FAT4: variants seen among roughly 807,000 people sequenced by gnomAD.
FAT4 encodes the protein protocadherin Fat 4.
A neutral mutation model predicts 303.9 loss-of-function variants in FAT4; 84 were observed. The ratio of observed to expected loss-of-function variants is 0.28; its 90% CI spans 0.23 to 0.33. The LOEUF (loss-of-function observed/expected upper bound fraction) is 0.33, where lower values mean the gene tolerates loss of function less well. Ranked by LOEUF, FAT4 falls within the 10% of genes least tolerant of loss-of-function variation. The pLI is 1.00. For synonymous variants in FAT4, 2,307 were observed against 2,298.8 expected (o/e 1.00, Z -0.10); for missense variants, 6,005 against 6,146.8 (o/e 0.98, Z 0.77).
At chr4:125,408,141 A>G (rs1464177684) in intron 4 of FAT4, among the ~76,000 whole-genome samples, 4 of 152,162 alleles carry the variant, frequency 2.6e-5, no homozygotes, top group Non-Finnish European at 5.9e-5. Context: ...GATTGAATTC[A>G]TCAGTATATT....
intron 2 of FAT4, among the ~76,000 whole-genome samples, chr4:125,383,229 A>C (rs537834506): frequency 2.0e-5 from 3 of 152,274 alleles, no homozygotes; most frequent in African/African-American, 7.2e-5. Flanking sequence ...ACTAAGCTTA[A>C]TTATTTATAG....
At chr4:125,338,031 A>G (rs938010491) in intron 2 of FAT4, among the ~76,000 whole-genome samples, 1 of 152,156 alleles carries the variant, frequency 6.6e-6, no homozygotes, top group Non-Finnish European at 1.5e-5. Flanking sequence ...TCATTTGCAT[A>G]GATGCTGGTT....
In FAT4 at chr4:125,449,387, G is replaced by A. The variant is rs752096532; in HGVS notation, c.8377G>A (p.Val2793Ile). 1.9e-6 allele frequency: 3 copies of A among 1,613,718 alleles called. No homozygotes were observed. The highest frequency in any genetic ancestry group is 1.1e-5 in the South Asian group (1 of 91,058). The change falls in exon 10 of 18, where the codon GTT becomes ATT. Residue 2793 changes from valine to isoleucine, a missense_variant. Transcript: ENST00000394329. Reference sequence around the variant, plus strand: ...TGAAAATTCCCCCTTAGGATACACAGTTACCCGTGTCACAACTTCTGATGA... The same window carrying A: ...TGAAAATTCCCCCTTAGGATACACAATTACCCGTGTCACAACTTCTGATGA... ...VPENSPLGYT[V>I]TRVTTSDEDI... is the part of the protein sequence containing the mutation.
At chr4:125,391,639 T>C (rs1271176208) in intron 2 of FAT4, among the ~76,000 whole-genome samples, 1 of 152,132 alleles carries the variant, frequency 6.6e-6, no homozygotes, top group Non-Finnish European at 1.5e-5. Flanking sequence ...CCTGTTTTTC[T>C]TTTTTAGAAG....
chr4:125,351,808 C>G (rs1732236261), intron 2 of FAT4, among the ~76,000 whole-genome samples: 1 of 151,668 alleles, frequency 6.6e-6, no homozygotes, highest in South Asian at 2.1e-4. Context: ...ATTAAGAACT[C>G]TTCCTACCAG....
At chr4:125,360,376 C>T (rs757848121) in intron 2 of FAT4, among the ~76,000 whole-genome samples, 1 of 152,124 alleles carries the variant, frequency 6.6e-6, no homozygotes, top group Non-Finnish European at 1.5e-5. Flanking sequence ...ATTTTCATCA[C>T]GTTTCCCACA....
intron 12 of FAT4, among the ~76,000 whole-genome samples, chr4:125,470,488 C>G (rs1460762687): frequency 6.6e-6 from 1 of 152,188 alleles, no homozygotes; most frequent in Non-Finnish European, 1.5e-5. Flanking sequence ...AGTGTAACCA[C>G]CTTCATCAAT....
At chr4:125,423,467 T>A (rs990847855) in intron 7 of FAT4, among the ~76,000 whole-genome samples, 1 of 152,184 alleles carries the variant, frequency 6.6e-6, no homozygotes. Context: ...TTCCACATGG[T>A]GTTGAGCCTG....
intron 2 of FAT4, among the ~76,000 whole-genome samples, chr4:125,393,224 A>G (rs13146027): frequency 0.19 from 28,162 of 152,140 alleles, 2,881 homozygotes; most frequent in East Asian, 0.38. Flanking sequence ...TCCGTTCATT[A>G]AGAAACATTT....
chr4:125,430,008 T>A (rs1466564791), intron 7 of FAT4, among the ~76,000 whole-genome samples: 1 of 152,118 alleles, frequency 6.6e-6, no homozygotes, highest in East Asian at 1.9e-4. Context: ...CCGGGTTCTG[T>A]CCTGGGGTGG....
At chr4:125,391,946 A>G (rs952949530) in intron 2 of FAT4, among the ~76,000 whole-genome samples, 5 of 152,142 alleles carry the variant, frequency 3.3e-5, no homozygotes, top group Non-Finnish European at 5.9e-5. Context: ...AAATATTTCT[A>G]GAGGAGAATT....
intron 2 of FAT4, among the ~76,000 whole-genome samples, chr4:125,355,831 A>AT (rs1416248665): frequency 6.6e-6 from 1 of 151,846 alleles, no homozygotes; most frequent in African/African-American, 2.4e-5. Context: ...TTGATTTGCA[A>AT]TTTTTTAACA....
intron 2 of FAT4, among the ~76,000 whole-genome samples, chr4:125,398,373 C>A (rs1373786193): frequency 6.6e-6 from 1 of 152,104 alleles, no homozygotes; most frequent in Non-Finnish European, 1.5e-5. Context: ...CATTAGTTGC[C>A]AATATGTAAA....
Position 125,397,695 on chromosome 4 carries a change from C to A in FAT4, c.5176-1089C>A, listed in dbSNP as rs79756566. Among the ~76,000 whole-genome samples the A allele has an allele frequency of 5.6e-3, 851 of 152,196 alleles. 4 individuals are homozygous for A. The highest frequency in any genetic ancestry group is 9.9e-3 in the Non-Finnish European group (675 of 67,992). On this transcript the variant is annotated intron_variant, in intron 2 of 17. Coordinates refer to ENST00000394329, the MANE Select transcript of FAT4 (RefSeq NM_001291303.3). ...GTCTAGCTCTTGTATATTTCCCATT[C>A]ATTCCTTTTCAGATAATGATGACAG...
intron 8 of FAT4, 66 bp downstream of exon 8, chr4:125,434,491 G>A: frequency 7.3e-7 from 1 of 1,375,598 alleles, no homozygotes; most frequent in East Asian, 2.3e-5. Context: ...TGAACTACAT[G>A]AATATAATGT....
At chr4:125,419,017 G>A (rs1418070719) in intron 7 of FAT4, among the ~76,000 whole-genome samples, 6 of 152,142 alleles carry the variant, frequency 3.9e-5, no homozygotes, top group Non-Finnish European at 8.8e-5. Flanking sequence ...ATATCATGTA[G>A]TTAAATACAT....
At chr4:125,454,092 G>T (rs1330050911) in intron 10 of FAT4, among the ~76,000 whole-genome samples, 1 of 152,158 alleles carries the variant, frequency 6.6e-6, no homozygotes, top group Non-Finnish European at 1.5e-5. Flanking sequence ...GAGTTACTCT[G>T]CAGTATTTAT....
chr4:125,459,287 G>A (rs1267910291), intron 10 of FAT4, among the ~76,000 whole-genome samples: 1 of 151,984 alleles, frequency 6.6e-6, no homozygotes, highest in African/African-American at 2.4e-5. Context: ...ACATTAAAAT[G>A]TGCTTGGACA....
intron 2 of FAT4, among the ~76,000 whole-genome samples, chr4:125,366,129 T>A (rs1389614906): frequency 6.6e-6 from 1 of 152,146 alleles, no homozygotes; most frequent in East Asian, 1.9e-4. Context: ...GCCAAAAAGG[T>A]TGGGGACTGC....
Sources: gnomAD v4.1 joint callset for allele counts (sites outside exome capture counted in the v4.1 genomes callset) on GRCh38, gnomAD v4.1.1 for gene constraint, MANE v1.5 for transcripts, NCBI Gene and HGNC (gene_info 2026-07-23, HGNC 2026-07-21) for gene names.